Variants in CSMD1 observed in about 807,000 individuals in gnomAD.
CSMD1 encodes CUB and sushi domain-containing protein 1.
CSMD1 carries 213 observed loss-of-function variants against 417.5 expected under a neutral mutation model. The ratio of observed to expected loss-of-function variants is 0.51; its 90% CI spans 0.46 to 0.57. The LOEUF is 0.57. CSMD1 is among the 20% of genes least tolerant of loss of function. CSMD1 has a pLI of 0.00. For missense variants in CSMD1, 6,923 were observed against 4,529.7 expected, an observed-to-expected ratio of 1.53 and a Z score of -15.17; for synonymous variants, 2,862 against 1,736.8, an observed-to-expected ratio of 1.65 and a Z score of -16.11.
At chr8:3,809,676 T>G (rs1285832285) in intron 5 of CSMD1, among the ~76,000 whole-genome samples, 1 of 152,176 alleles carries the variant, frequency 6.6e-6, no homozygotes, top group Non-Finnish European at 1.5e-5. Flanking sequence ...CTGATGCTGC[T>G]AATCTGGGAA....
chr8:3,190,904 G>T (rs937320333), intron 33 of CSMD1, among the ~76,000 whole-genome samples: 2 of 152,202 alleles, frequency 1.3e-5, no homozygotes, highest in Non-Finnish European at 2.9e-5. Flanking sequence ...TCTATGGGGA[G>T]ATCTAAAGTA....
In CSMD1 at chr8:2,952,614, C is replaced by G. The variant is rs540057170; in HGVS notation, c.10040-1339G>C. 3.9e-5 allele frequency among the ~76,000 whole-genome samples: 6 copies of G among 152,268 alleles called. No individual in the cohort carries two copies. In the South Asian group the frequency reaches 1.0e-3, roughly 26 times the overall value. ...GCCACTGTCAGCACAACAGAGGCCC[C>G]CATTTTAATCAGCAACCTCAAAATA... is the stretch of plus-strand genomic sequence containing the variant. On this transcript the variant is annotated intron_variant, in intron 65 of 69. Transcript: ENST00000635120.
intron 31 of CSMD1, among the ~76,000 whole-genome samples, chr8:3,205,241 T>C (rs1008521608): frequency 6.6e-5 from 10 of 152,312 alleles, no homozygotes; most frequent in Middle Eastern, 3.4e-3. Context: ...TTGGGAAACC[T>C]AAGAAGAAAG....
chr8:4,184,646 G>A (rs1584978871), intron 3 of CSMD1, among the ~76,000 whole-genome samples: 1 of 152,088 alleles, frequency 6.6e-6, no homozygotes, highest in South Asian at 2.1e-4. Context: ...ATAAGTTGGA[G>A]CTAAAGGAAG....
intron 3 of CSMD1, among the ~76,000 whole-genome samples, chr8:4,282,119 G>A (rs1443046589): frequency 6.6e-6 from 1 of 152,184 alleles, no homozygotes; most frequent in Non-Finnish European, 1.5e-5. Flanking sequence ...TTTTAATTAT[G>A]TAAACTTTAA....
At chr8:4,159,181 G>C (rs1563202268) in intron 3 of CSMD1, among the ~76,000 whole-genome samples, 1 of 152,112 alleles carries the variant, frequency 6.6e-6, no homozygotes, top group Admixed American at 6.5e-5. Flanking sequence ...CTCCCAAAGT[G>C]CTGGGATTAC....
At chr8:3,397,851 A>G (rs1315277512) in intron 16 of CSMD1, among the ~76,000 whole-genome samples, 4 of 152,176 alleles carry the variant, frequency 2.6e-5, no homozygotes, top group African/African-American at 4.8e-5. Flanking sequence ...TGGCAATACC[A>G]TCAGCACAGA....
At chr8:3,104,992 C>T (rs939153112) in intron 46 of CSMD1, among the ~76,000 whole-genome samples, 1 of 152,218 alleles carries the variant, frequency 6.6e-6, no homozygotes, top group African/African-American at 2.4e-5. Context: ...AGGCGTGCGC[C>T]ACCGCGCCCG....
chr8:3,920,066 T>G (rs1034609795), intron 5 of CSMD1, among the ~76,000 whole-genome samples: 1 of 152,066 alleles, frequency 6.6e-6, no homozygotes, highest in Non-Finnish European at 1.5e-5. Flanking sequence ...AAGATCTCAC[T>G]CCTTCTGCCC....
chr8:3,170,610 G>C (rs1036496301), intron 37 of CSMD1, among the ~76,000 whole-genome samples: 3 of 152,172 alleles, frequency 2.0e-5, no homozygotes, highest in Non-Finnish European at 2.9e-5. Flanking sequence ...TCATTCTGTA[G>C]CATGAGCTCC....
intron 5 of CSMD1, among the ~76,000 whole-genome samples, chr8:3,759,488 T>A: frequency 6.6e-6 from 1 of 152,142 alleles, no homozygotes; most frequent in East Asian, 1.9e-4. Context: ...CTTTTAGGCC[T>A]GCTGGATTTG....
intron 46 of CSMD1, among the ~76,000 whole-genome samples, chr8:3,098,629 C>T (rs1467888748): frequency 6.6e-6 from 1 of 152,170 alleles, no homozygotes; most frequent in Non-Finnish European, 1.5e-5. Context: ...GTCTAATTTT[C>T]TTCTGTGATG....
chr8:4,090,049 G>A (rs911441805), intron 3 of CSMD1, among the ~76,000 whole-genome samples: 1 of 152,272 alleles, frequency 6.6e-6, no homozygotes, highest in African/African-American at 2.4e-5. Context: ...ATTTATCATA[G>A]GACATGTAAA....
At chr8:4,957,525 A>G (rs888984625) in intron 1 of CSMD1, among the ~76,000 whole-genome samples, 1 of 152,196 alleles carries the variant, frequency 6.6e-6, no homozygotes, top group African/African-American at 2.4e-5. Context: ...AACTTTTCTG[A>G]AGTGCTTATA....
intron 1 of CSMD1, among the ~76,000 whole-genome samples, chr8:4,706,849 G>A (rs1291182621): frequency 6.6e-6 from 1 of 152,192 alleles, no homozygotes; most frequent in Non-Finnish European, 1.5e-5. Context: ...GAGAATGGGG[G>A]AAACTTCTTA....
At chr8:4,861,802 A>G (rs1485508944) in intron 1 of CSMD1, among the ~76,000 whole-genome samples, 1 of 152,058 alleles carries the variant, frequency 6.6e-6, no homozygotes, top group Non-Finnish European at 1.5e-5. Context: ...TTTTGCTCAA[A>G]ATTTATTAAA....
At chr8:4,208,670 C>T (rs539202118) in intron 3 of CSMD1, among the ~76,000 whole-genome samples, 1 of 151,926 alleles carries the variant, frequency 6.6e-6, no homozygotes, top group South Asian at 2.1e-4. Flanking sequence ...ACCAATTATG[C>T]AAAACATCAT....
intron 3 of CSMD1, among the ~76,000 whole-genome samples, chr8:4,121,239 C>G (rs55820241): frequency 0.1 from 15,732 of 152,070 alleles, 905 homozygotes; most frequent in African/African-American, 0.13. Flanking sequence ...CTCAGCCTCC[C>G]AGCTATCTGG....
chr8:4,534,205 A>G (rs1044729333), intron 2 of CSMD1, among the ~76,000 whole-genome samples: 2 of 152,182 alleles, frequency 1.3e-5, no homozygotes, highest in African/African-American at 4.8e-5. Flanking sequence ...AATAGAGCAC[A>G]CCTGCTATCT....
Sources: gnomAD v4.1 joint callset for allele counts (sites outside exome capture counted in the v4.1 genomes callset) on GRCh38, gnomAD v4.1.1 for gene constraint, MANE v1.5 for transcripts, NCBI Gene and HGNC (gene_info 2026-07-23, HGNC 2026-07-21) for gene names.